FAM171A1: variants seen among roughly 807,000 people sequenced by gnomAD.
The protein encoded by FAM171A1 is family with sequence similarity 171 member A1.
Under a neutral mutation model 74.9 loss-of-function variants are expected in FAM171A1, and 23 were observed. That is an observed-to-expected ratio of 0.31 (90% CI 0.22 to 0.44). The LOEUF (loss-of-function observed/expected upper bound fraction) is 0.44, where lower values mean the gene tolerates loss of function less well. FAM171A1 is among the 20% of genes least tolerant of loss of function. The pLI is 1.00. For synonymous variants in FAM171A1, 527 were observed against 505.7 expected (o/e 1.04, Z -0.57); for missense variants, 1,162 against 1,159.2 (o/e 1.00, Z -0.03).
chr10:15,316,908 A>C (rs1023660677), intron 1 of FAM171A1, among the ~76,000 whole-genome samples: 1 of 152,156 alleles, frequency 6.6e-6, no homozygotes, highest in Admixed American at 6.5e-5. Context: ...TCTCCAGCAC[A>C]ATGTAAAAGA....
intron 1 of FAM171A1, among the ~76,000 whole-genome samples, chr10:15,370,020 G>A (rs1836115813): frequency 6.6e-6 from 1 of 152,162 alleles, no homozygotes; most frequent in Non-Finnish European, 1.5e-5. Context: ...CAGCAACAGA[G>A]GAGTCCTCGA....
At chr10:15,245,460 T>G (rs945599099) in intron 5 of FAM171A1, among the ~76,000 whole-genome samples, 1 of 152,246 alleles carries the variant, frequency 6.6e-6, no homozygotes, top group African/African-American at 2.4e-5. Context: ...CTTGCCAGCC[T>G]TCCCAATTGT....
At chr10:15,342,841 G>C (rs559639619) in intron 1 of FAM171A1, among the ~76,000 whole-genome samples, 24 of 152,272 alleles carry the variant, frequency 1.6e-4, no homozygotes, top group African/African-American at 5.3e-4. Flanking sequence ...AACGCAGTCA[G>C]TGCCTACATG....
chr10:15,297,477 G>A (rs2131823655), intron 1 of FAM171A1, among the ~76,000 whole-genome samples: 1 of 152,174 alleles, frequency 6.6e-6, no homozygotes, highest in Non-Finnish European at 1.5e-5. Context: ...GGATATCTCT[G>A]GGCAAACAAT....
intron 4 of FAM171A1, among the ~76,000 whole-genome samples, chr10:15,252,086 T>C (rs2131763562): frequency 6.6e-6 from 1 of 152,342 alleles, no homozygotes; most frequent in South Asian, 2.1e-4. Flanking sequence ...TTATTGACTC[T>C]TCTCTGTCTT....
At chr10:15,305,663 C>CCAAAA (rs1173838120) in intron 1 of FAM171A1, among the ~76,000 whole-genome samples, 1 of 9,642 alleles carries the variant, frequency 1.0e-4, no homozygotes, top group African/African-American at 4.4e-4. Context: ...TGAGATCTGG[C>CCAAAA]TAAAAAAAAA....
intron 1 of FAM171A1, among the ~76,000 whole-genome samples, chr10:15,366,502 C>T (rs1836064444): frequency 6.6e-6 from 1 of 152,136 alleles, no homozygotes; most frequent in African/African-American, 2.4e-5. Flanking sequence ...AAACTGCCGT[C>T]TTTATGAGTC....
At chr10:15,289,378 T>A (rs1835077218) in intron 1 of FAM171A1, among the ~76,000 whole-genome samples, 1 of 152,244 alleles carries the variant, frequency 6.6e-6, no homozygotes, top group Non-Finnish European at 1.5e-5. Context: ...GCTGAGTTGG[T>A]CACCTGAAGA....
intron 1 of FAM171A1, among the ~76,000 whole-genome samples, chr10:15,302,783 A>C (rs975126007): frequency 6.6e-5 from 10 of 152,260 alleles, no homozygotes; most frequent in Non-Finnish European, 1.2e-4. Flanking sequence ...AAAAATGTGC[A>C]TGTGTTTAGT....
chr10:15,318,284 C>T (rs143715604), intron 1 of FAM171A1, among the ~76,000 whole-genome samples: 104 of 152,268 alleles, frequency 6.8e-4, no homozygotes, highest in Non-Finnish European at 1.1e-3. Context: ...GCCAGTGAAT[C>T]CGGAGAAAGA....
intron 1 of FAM171A1, among the ~76,000 whole-genome samples, chr10:15,291,838 A>C (rs1205839827): frequency 6.6e-6 from 1 of 152,142 alleles, no homozygotes; most frequent in Non-Finnish European, 1.5e-5. Context: ...CCAGATACCC[A>C]GCCATGCGGC....
intron 5 of FAM171A1, among the ~76,000 whole-genome samples, chr10:15,237,281 TAA>T (rs747817991): frequency 1.3e-5 from 2 of 152,094 alleles, no homozygotes; most frequent in Non-Finnish European, 2.9e-5. Flanking sequence ...TTAAGAGACC[TAA>T]GTCCCTAAGA....
chr10:15,274,270 G>T (rs1027945444), intron 3 of FAM171A1, among the ~76,000 whole-genome samples: 1 of 152,144 alleles, frequency 6.6e-6, no homozygotes, highest in Non-Finnish European at 1.5e-5. Flanking sequence ...AATCATGAGT[G>T]AACTCCCATT....
chr10:15,306,102 C>T (rs1036999314), intron 1 of FAM171A1, among the ~76,000 whole-genome samples: 2 of 152,180 alleles, frequency 1.3e-5, no homozygotes, highest in East Asian at 3.9e-4. Context: ...GCATGGGTCT[C>T]GTGTGCAACT....
intron 1 of FAM171A1, among the ~76,000 whole-genome samples, chr10:15,362,463 T>C (rs1172239529): frequency 6.6e-6 from 1 of 152,196 alleles, no homozygotes; most frequent in East Asian, 1.9e-4. Context: ...CCCAGCACTT[T>C]GGGAGGCTGA....
At chr10:15,350,566 C>T (rs1835865877) in intron 1 of FAM171A1, among the ~76,000 whole-genome samples, 1 of 151,594 alleles carries the variant, frequency 6.6e-6, no homozygotes, top group African/African-American at 2.4e-5. Flanking sequence ...TGGTCTCGAT[C>T]TCTTGACCTC....
intron 1 of FAM171A1, among the ~76,000 whole-genome samples, chr10:15,307,783 A>G (rs1458245705): frequency 1.3e-5 from 2 of 151,046 alleles, no homozygotes; most frequent in Non-Finnish European, 2.9e-5. Context: ...CTTATTTAGG[A>G]GCACAGAGGC....
At chr10:15,314,512 C>A (rs1835400171) in intron 1 of FAM171A1, among the ~76,000 whole-genome samples, 1 of 152,176 alleles carries the variant, frequency 6.6e-6, no homozygotes. Context: ...GCCAACTGTC[C>A]AATACCCCTG....
intron 3 of FAM171A1, among the ~76,000 whole-genome samples, chr10:15,259,913 C>T (rs1834634418): frequency 6.6e-6 from 1 of 151,914 alleles, no homozygotes; most frequent in Non-Finnish European, 1.5e-5. Context: ...GCAGCCTTGA[C>T]CTCCTGGGCT....
Sources: gnomAD v4.1 joint callset for allele counts (sites outside exome capture counted in the v4.1 genomes callset) on GRCh38, gnomAD v4.1.1 for gene constraint, MANE v1.5 for transcripts, NCBI Gene and HGNC (gene_info 2026-07-23, HGNC 2026-07-21) for gene names.